Variants in FAM83G observed in about 807,000 individuals in gnomAD.
FAM83G encodes the protein scaffolding CK1 anchoring protein G.
In FAM83G, 38 loss-of-function variants were observed where a neutral mutation model predicts 61.5. The ratio of observed to expected loss-of-function variants is 0.62; its 90% CI spans 0.48 to 0.81. The LOEUF (loss-of-function observed/expected upper bound fraction) is 0.81, where lower values mean the gene tolerates loss of function less well. Ranked by LOEUF, FAM83G falls within the 30% of genes least tolerant of loss-of-function variation. The pLI, the probability that FAM83G is intolerant of heterozygous loss-of-function variation, is 0.00. For synonymous variants in FAM83G, 470 were observed against 476.1 expected, an observed-to-expected ratio of 0.99 and a Z score of 0.17; for missense variants, 989 against 1,133.6, an observed-to-expected ratio of 0.87 and a Z score of 1.83.
rs1400238514 is a variant in FAM83G, at chr17:18,968,906, A to T, written c.*2453T>A. On this transcript the variant is annotated 3_prime_UTR_variant, in exon 6 of 6. Coordinates refer to ENST00000388995, the MANE Select transcript of FAM83G (RefSeq NM_001039999.3). This position sits in a 1 kb window ranked among gnomAD's most constrained non-coding sequence, Gnocchi z 4.1. Reference sequence around the variant, plus strand: ...CCCCCAACCTCACAATGGCCCCGTGATGCAGGCAGGCAGGCGAGTGGGGGT... The same window carrying T: ...CCCCCAACCTCACAATGGCCCCGTGTTGCAGGCAGGCAGGCGAGTGGGGGT... 3.0e-6 allele frequency: 2 copies of T among 668,998 alleles called. No individual in the cohort carries two copies. The highest frequency in any genetic ancestry group is 5.0e-6 in the Non-Finnish European group (2 of 401,454). 41.4% of individuals were successfully genotyped at this position (668,998 alleles called of 1,614,324 possible). A position where few individuals can be genotyped will look rare whatever the true frequency, so the allele number is the denominator to read the frequency against.
chr17:18,985,759 C>T (rs928477368), intron 3 of FAM83G, among the ~76,000 whole-genome samples: 5 of 152,226 alleles, frequency 3.3e-5, no homozygotes, highest in Admixed American at 2.6e-4. Context: ...ACAGACTCTG[C>T]CACCTTCCCT....
intron 5 of FAM83G, among the ~76,000 whole-genome samples, chr17:18,975,060 G>A: frequency 6.6e-6 from 1 of 152,196 alleles, no homozygotes; most frequent in East Asian, 1.9e-4. Context: ...GCTGACATGA[G>A]CACAGATTGG....
chr17:19,004,207 G>C lies in FAM83G; in HGVS notation c.-128-38C>G. ...CCTGATGAGCCCGGCTCGGCGGGGA[G>C]GGCGGGCCGCGCGGGGAGGGGCGGC... On this transcript the variant is annotated intron_variant, in intron 1 of 5. Transcript: ENST00000388995. The surrounding 1 kb of genome is among the most constrained non-coding windows in gnomAD (Gnocchi z 5.4). 1 of 620,900 alleles carries C rather than the reference G, an allele frequency of 1.6e-6. No individual in the cohort carries two copies. The highest frequency in any genetic ancestry group is 2.6e-6 in the Non-Finnish European group (1 of 381,520). The allele number at this position is 620,900 out of a possible 1,614,324, so 38.5% of individuals were successfully genotyped here.
chr17:18,984,838 C>T (rs1224427555), intron 3 of FAM83G, among the ~76,000 whole-genome samples: 1 of 152,232 alleles, frequency 6.6e-6, no homozygotes, highest in Non-Finnish European at 1.5e-5. Flanking sequence ...GGCCTGCTCC[C>T]TATTTGTCAT....
chr17:18,968,959 G>T lies in FAM83G; in HGVS notation c.*2400C>A. 8.1e-7 allele frequency: 1 copy of T among 1,239,524 alleles called. No homozygotes were observed. The allele number at this position is 1,239,524 out of a possible 1,614,324, so 76.8% of individuals were successfully genotyped here. On this transcript the variant is annotated 3_prime_UTR_variant, in exon 6 of 6. Transcript: ENST00000388995. The surrounding 1 kb of genome is among the most constrained non-coding windows in gnomAD (Gnocchi z 4.1). ...CCCCTCCTTATCCACAGGCCACCGA[G>T]GCCCAGAGAGGGCCTTGCCCGAGGT...
At chr17:18,972,124 C>T (rs2042871194) in intron 5 of FAM83G, among the ~76,000 whole-genome samples, 1 of 152,206 alleles carries the variant, frequency 6.6e-6, no homozygotes, top group Non-Finnish European at 1.5e-5. Context: ...ACCCTGTCAC[C>T]AGCCCTCCAG....
At chr17:19,002,321 C>T (rs1344485475) in intron 2 of FAM83G, among the ~76,000 whole-genome samples, 1 of 152,160 alleles carries the variant, frequency 6.6e-6, no homozygotes, top group Non-Finnish European at 1.5e-5. Flanking sequence ...CTAGCTGACC[C>T]AACTGGTCCC....
chr17:18,983,500 G>A (rs1031509544), intron 3 of FAM83G, among the ~76,000 whole-genome samples: 5 of 152,234 alleles, frequency 3.3e-5, no homozygotes, highest in Non-Finnish European at 5.9e-5. Flanking sequence ...AGTAGTTAGT[G>A]TGAATGAGTA....
intron 2 of FAM83G, among the ~76,000 whole-genome samples, chr17:18,989,920 A>G (rs2043370010): frequency 2.0e-5 from 3 of 152,184 alleles, no homozygotes; most frequent in South Asian, 2.1e-4. Flanking sequence ...TTGGACGTTT[A>G]GTCTCGGAGA....
At position 19,002,317 on chromosome 17, in the gene FAM83G, G is replaced by A. The variant is rs75471268; in HGVS notation, c.522+1203C>T. Among the ~76,000 whole-genome samples, 1,646 of 152,320 alleles carry A rather than the reference G, an allele frequency of 0.011. 120 individuals are homozygous for A. The East Asian group carries it at 0.19, about 18-fold the overall frequency. ...GCCAGGCGCCCCCACCCAGCTAGCT[G>A]ACCCAACTGGTCCCCTTGTTGGGCA... On this transcript the variant is annotated intron_variant, in intron 2 of 5. Coordinates refer to ENST00000388995, the MANE Select transcript of FAM83G (RefSeq NM_001039999.3).
At chr17:18,994,600 T>C (rs574595700) in intron 2 of FAM83G, among the ~76,000 whole-genome samples, 24 of 152,224 alleles carry the variant, frequency 1.6e-4, no homozygotes, top group African/African-American at 5.1e-4. Flanking sequence ...GCTGGAACAA[T>C]TGCTGGTGCT....
chr17:18,969,184 A>G lies in FAM83G; in HGVS notation c.*2175T>C. On this transcript the variant is annotated 3_prime_UTR_variant, in exon 6 of 6. Transcript: ENST00000388995. The stretch of plus-strand genomic sequence containing the variant: ...TATGGTGCCTGCAGCAGGGAGGTCC[A>G]CCCAGGGGACGTGTAAAGGGGTCAG... 1.2e-6 allele frequency: 2 copies of G among 1,609,412 alleles called. No homozygotes were observed. Among genetic ancestry groups the G allele is most frequent in the African/African-American group, 1.3e-5 (1 of 74,936 alleles).
At position 18,978,237 on chromosome 17, in the gene FAM83G, G is replaced by T. The variant is rs746336229; in HGVS notation, c.1429C>A (p.Pro477Thr). Residue 477 changes from proline to threonine, a missense_variant, in exon 5 of 6, where the codon CCC (proline) becomes ACC (threonine). This residue lies in a region of FAM83G where 574 missense variants were observed against 645.1 expected (regional missense o/e 0.89). Transcript: ENST00000388995. ...DSRPRPEPCP[P>T]PEPSAPQDGV... ...TCCTGGGGGGCACTGGGCTCTGGGG[G>T]AGGGCAAGGCTCTGGACGGGGCCTG... 4 of 1,590,868 alleles carry T rather than the reference G, an allele frequency of 2.5e-6. No individual in the cohort carries two copies. The Admixed American group carries it at 5.1e-5, about 20-fold the overall frequency.
chr17:18,975,144 C>T (rs555663407), intron 5 of FAM83G, among the ~76,000 whole-genome samples: 1 of 152,164 alleles, frequency 6.6e-6, no homozygotes. Flanking sequence ...CTCCCAAGCA[C>T]CTAGACAGAA....
chr17:18,985,520 A>C (rs1401663643), intron 3 of FAM83G, among the ~76,000 whole-genome samples: 1 of 152,140 alleles, frequency 6.6e-6, no homozygotes, highest in Non-Finnish European at 1.5e-5. Context: ...CCCAGGGATT[A>C]TCGGCAAAGG....
chr17:18,971,653 G>A lies in FAM83G; in HGVS notation c.2178C>T (p.Ser726=), dbSNP rs769557463. Residue 726 remains serine, a synonymous_variant, in exon 6 of 6, where the codon AGC becomes AGT. Coordinates refer to ENST00000388995, the MANE Select transcript of FAM83G (RefSeq NM_001039999.3). The surrounding 1 kb of genome is among the most constrained non-coding windows in gnomAD (Gnocchi z 5.5). ...CAGCGTTTCTGGTAGAGCTCTGGAC[G>A]CTGTCAGCAGCAGAGCGGTACCTAG... ...GPPRYRSAAD[S]VQSSTRNAGP... is the part of the protein sequence containing the mutation. The A allele has an allele frequency of 6.2e-7, 1 of 1,613,228 alleles. No individual in the cohort carries two copies. The highest frequency in any genetic ancestry group is 8.5e-7 in the Non-Finnish European group (1 of 1,179,800).
chr17:18,988,422 CAAG>C lies in FAM83G; in HGVS notation c.523-11_523-9del, dbSNP rs1342544276. Reference sequence around the variant, plus strand: ...CATGACCACAGCTATCACCTGGGAGCAAGAAGAGAGACTAGGGCCTGTCAGACA... The same window carrying C: ...CATGACCACAGCTATCACCTGGGAGCAAGAGAGACTAGGGCCTGTCAGACA... On this transcript the variant is annotated splice_polypyrimidine_tract_variant and intron_variant, in intron 2 of 5. Transcript: ENST00000388995. 5.0e-6 allele frequency: 8 copies of C among 1,613,430 alleles called. No individual in the cohort carries two copies. In the East Asian group the frequency reaches 8.9e-5, roughly 18 times the overall value.
intron 2 of FAM83G, among the ~76,000 whole-genome samples, chr17:18,990,272 G>A (rs1039430699): frequency 1.3e-5 from 2 of 152,182 alleles, no homozygotes; most frequent in Non-Finnish European, 2.9e-5. Context: ...TGATAGGGCA[G>A]AGAAGACACG....
upstream of FAM83G, among the ~76,000 whole-genome samples, chr17:19,005,296 C>T (rs1034503850): frequency 2.0e-5 from 3 of 152,210 alleles, no homozygotes; most frequent in Non-Finnish European, 2.9e-5. Flanking sequence ...TTCTGCGTGG[C>T]GGGCAGCACC....
Sources: gnomAD v4.1 joint callset for allele counts (sites outside exome capture counted in the v4.1 genomes callset) on GRCh38, gnomAD v4.1.1 for gene constraint, gnomAD v4.1.1 regional missense constraint, Gnocchi (gnomAD v3.1) non-coding constraint, MANE v1.5 for transcripts, NCBI Gene and HGNC (gene_info 2026-07-23, HGNC 2026-07-21) for gene names.